Variants in CLNK observed in about 807,000 individuals in gnomAD.
CLNK encodes the protein cytokine dependent hematopoietic cell linker, also known as cytokine-dependent hematopoietic cell linker.
In CLNK, 74 loss-of-function variants were observed where a neutral mutation model predicts 68.6. That is an observed-to-expected ratio of 1.08 (90% CI 0.89 to 1.31). The LOEUF (loss-of-function observed/expected upper bound fraction) is 1.31. Ranked by LOEUF, CLNK falls within the 50% of genes most tolerant of loss-of-function variation. CLNK has a pLI of 0.00. For missense variants in CLNK, 553 were observed against 515.3 expected (o/e 1.07, Z -0.71); for synonymous variants, 198 against 172.2 (o/e 1.15, Z -1.17).
chr4:10,631,533 A>G (rs1722890067), intron 2 of CLNK, among the ~76,000 whole-genome samples: 1 of 149,570 alleles, frequency 6.7e-6, no homozygotes, highest in African/African-American at 2.4e-5. Flanking sequence ...CTTGGTGGAT[A>G]GGCAGTTGAT....
chr4:10,587,605 C>A (rs28750071), intron 3 of CLNK, among the ~76,000 whole-genome samples: 5,468 of 152,268 alleles, frequency 0.036, 130 homozygotes, highest in Middle Eastern at 0.14. Flanking sequence ...CAGGAGACCA[C>A]GGTCTACAAG....
chr4:10,611,495 T>TCAAA (rs1274936982), intron 2 of CLNK, among the ~76,000 whole-genome samples: 9 of 14,300 alleles, frequency 6.3e-4, no homozygotes, highest in Non-Finnish European at 2.5e-3. Flanking sequence ...AGGCTAAGTC[T>TCAAA]GAAAAAAAAA....
intron 10 of CLNK, among the ~76,000 whole-genome samples, chr4:10,541,125 C>T (rs1718997370): frequency 6.8e-6 from 1 of 147,028 alleles, no homozygotes; most frequent in East Asian, 2.0e-4. Context: ...GAGGCAGAAG[C>T]ATCACTTGAG....
At chr4:10,628,540 G>T (rs1722764669) in intron 2 of CLNK, among the ~76,000 whole-genome samples, 1 of 152,138 alleles carries the variant, frequency 6.6e-6, no homozygotes, top group East Asian at 1.9e-4. Context: ...CCAGCACATT[G>T]AGAATAGAGC....
At chr4:10,510,650 G>A (rs1717538529) in intron 16 of CLNK, among the ~76,000 whole-genome samples, 2 of 152,122 alleles carry the variant, frequency 1.3e-5, no homozygotes, top group Non-Finnish European at 2.9e-5. Context: ...CTGAGAAGAA[G>A]CATTTACAAT....
intron 2 of CLNK, among the ~76,000 whole-genome samples, chr4:10,626,613 G>A (rs539651581): frequency 2.6e-5 from 4 of 152,160 alleles, no homozygotes; most frequent in African/African-American, 7.2e-5. Flanking sequence ...TAATACAAAC[G>A]ATATATTCTG....
chr4:10,672,875 T>C (rs969780706), intron 1 of CLNK, among the ~76,000 whole-genome samples: 15 of 152,322 alleles, frequency 9.8e-5, no homozygotes, highest in Non-Finnish European at 2.1e-4. Context: ...CTCATTCTTA[T>C]GGAAAGCACC....
chr4:10,616,570 G>A (rs1415591499), intron 2 of CLNK, among the ~76,000 whole-genome samples: 1 of 152,056 alleles, frequency 6.6e-6, no homozygotes, highest in Non-Finnish European at 1.5e-5. Context: ...CAATATTGAT[G>A]TTAGAACTAT....
intron 2 of CLNK, among the ~76,000 whole-genome samples, chr4:10,627,815 A>G (rs1160071931): frequency 6.6e-6 from 1 of 152,154 alleles, no homozygotes; most frequent in Non-Finnish European, 1.5e-5. Context: ...AGACTGCCTG[A>G]GCCCCTCACC....
intron 2 of CLNK, among the ~76,000 whole-genome samples, chr4:10,638,169 A>T (rs990587941): frequency 2.6e-5 from 4 of 152,168 alleles, no homozygotes; most frequent in Non-Finnish European, 5.9e-5. Flanking sequence ...GGTGCCTGTG[A>T]GAACACCGAC....
intron 10 of CLNK, among the ~76,000 whole-genome samples, chr4:10,541,633 T>C (rs1719030147): frequency 6.6e-6 from 1 of 152,078 alleles, no homozygotes; most frequent in Admixed American, 6.5e-5. Context: ...ATATACTTAA[T>C]ATATTGTTCC....
chr4:10,541,993 A>G (rs748595212), intron 10 of CLNK, 29 bp downstream of exon 10: 7 of 1,459,552 alleles, frequency 4.8e-6, no homozygotes, highest in African/African-American at 3.9e-5. Context: ...TTGTATAGCG[A>G]AAAAAAATGC....
At chr4:10,612,759 C>G (rs1722080679) in intron 2 of CLNK, among the ~76,000 whole-genome samples, 1 of 152,146 alleles carries the variant, frequency 6.6e-6, no homozygotes, top group African/African-American at 2.4e-5. Flanking sequence ...AAGCACTTAT[C>G]AAAAGATAAT....
At chr4:10,525,816 T>A in intron 14 of CLNK, 25 bp downstream of exon 14, 1 of 1,475,336 alleles carries the variant, frequency 6.8e-7, no homozygotes, top group Non-Finnish European at 9.3e-7. Context: ...GCCTCAGACC[T>A]GAGAAAGGAT....
intron 18 of CLNK, among the ~76,000 whole-genome samples, chr4:10,493,991 G>A (rs926701332): frequency 2.6e-5 from 4 of 152,206 alleles, no homozygotes; most frequent in African/African-American, 4.8e-5. Context: ...CACATGCCAG[G>A]CCTTATGATT....
At chr4:10,632,262 T>G (rs1163272621) in intron 2 of CLNK, among the ~76,000 whole-genome samples, 1 of 152,184 alleles carries the variant, frequency 6.6e-6, no homozygotes, top group Non-Finnish European at 1.5e-5. Context: ...AGATTTTCCC[T>G]CCAAACTATC....
the CLNK span, among the ~76,000 whole-genome samples, chr4:10,714,853 C>T: frequency 6.6e-6 from 1 of 152,100 alleles, no homozygotes; most frequent in Non-Finnish European, 1.5e-5. Context: ...TACATTCTGA[C>T]ATCAGTGTGG....
chr4:10,713,057 C>A, the CLNK span, among the ~76,000 whole-genome samples: 1 of 152,200 alleles, frequency 6.6e-6, no homozygotes, highest in Non-Finnish European at 1.5e-5. Context: ...TTAGAGACGC[C>A]TTCCAACCTC....
chr4:10,520,884 T>C, intron 14 of CLNK, 53 bp from the exon 15 acceptor site: 3 of 1,396,146 alleles, frequency 2.1e-6, no homozygotes, highest in Non-Finnish European at 3.0e-6. Context: ...CCCTTGGTGG[T>C]AAAATTCCAC....
Sources: gnomAD v4.1 joint callset for allele counts (sites outside exome capture counted in the v4.1 genomes callset) on GRCh38, gnomAD v4.1.1 for gene constraint, MANE v1.5 for transcripts, NCBI Gene and HGNC (gene_info 2026-07-23, HGNC 2026-07-21) for gene names.